Variants in SCN2A observed in about 807,000 individuals in gnomAD.
The protein encoded by SCN2A is sodium voltage-gated channel alpha subunit 2.
In SCN2A, 20 loss-of-function variants were observed where a neutral mutation model predicts 188.7. The ratio of observed to expected loss-of-function variants is 0.11; its 90% CI spans 0.07 to 0.15. SCN2A has a LOEUF of 0.15. Ranked by LOEUF, SCN2A falls within the 10% of genes least tolerant of loss-of-function variation. The pLI is 1.00. For missense variants in SCN2A, 1,278 were observed against 2,445.0 expected, an observed-to-expected ratio of 0.52 and a Z score of 10.07; for synonymous variants, 804 against 833.1, an observed-to-expected ratio of 0.97 and a Z score of 0.60.
chr2:165,329,133 G>A (rs1414771781), intron 13 of SCN2A, among the ~76,000 whole-genome samples: 1 of 151,594 alleles, frequency 6.6e-6, no homozygotes, highest in Non-Finnish European at 1.5e-5. Context: ...TTGTTGATCC[G>A]GTTGGCAATT....
At position 165,314,125 on chromosome 2, in the gene SCN2A, T is replaced by C. The variant is rs1226775368; in HGVS notation, c.1383+17T>C. On this transcript the variant is annotated intron_variant, in intron 10 of 26. Transcript: ENST00000375437. Reference sequence around the variant, plus strand: ...GAAGCTCAGGTATAGTGAACAAGCATACGGTCCTTTGTTTTTCTTTATCTA... The same window carrying C: ...GAAGCTCAGGTATAGTGAACAAGCACACGGTCCTTTGTTTTTCTTTATCTA... 1.2e-6 allele frequency: 2 copies of C among 1,609,390 alleles called. No individual in the cohort carries two copies. Among genetic ancestry groups the C allele is most frequent in the African/African-American group, 2.7e-5 (2 of 74,828 alleles).
chr2:165,316,044 T>G (rs1697729779), intron 11 of SCN2A, among the ~76,000 whole-genome samples: 1 of 152,178 alleles, frequency 6.6e-6, no homozygotes, highest in African/African-American at 2.4e-5. Context: ...TCAGGAATTA[T>G]CAGCAGATGG....
intron 24 of SCN2A, 134 bp from the exon 25 acceptor site, chr2:165,380,959 A>G: frequency 1.4e-6 from 1 of 706,286 alleles, no homozygotes. Flanking sequence ...ATATTGAATA[A>G]AGGCATCTCT....
intron 14 of SCN2A, among the ~76,000 whole-genome samples, chr2:165,335,970 A>G (rs937292374): frequency 2.0e-5 from 3 of 151,930 alleles, no homozygotes; most frequent in Non-Finnish European, 4.4e-5. Flanking sequence ...GAGTTAGACA[A>G]AAGGCCAATA....
chr2:165,376,605 C>G (rs963470156), intron 22 of SCN2A, among the ~76,000 whole-genome samples: 1 of 151,876 alleles, frequency 6.6e-6, no homozygotes, highest in Non-Finnish European at 1.5e-5. Flanking sequence ...ATAGCCAAGT[C>G]CTTTGTTACT....
chr2:165,351,349 ATATT>A (rs1699906380), intron 16 of SCN2A, among the ~76,000 whole-genome samples: 1 of 152,176 alleles, frequency 6.6e-6, no homozygotes, highest in Non-Finnish European at 1.5e-5. Flanking sequence ...TGTTCCAGGG[ATATT>A]TATTTATTTT....
intron 11 of SCN2A, among the ~76,000 whole-genome samples, chr2:165,318,674 TATGGCTC>T (rs748242603): frequency 1.4e-4 from 22 of 152,224 alleles, no homozygotes; most frequent in Non-Finnish European, 2.9e-4. Flanking sequence ...CCAACCCTTC[TATGGCTC>T]CAGCTGAATG....
At chr2:165,376,498 A>T (rs1196956185) in intron 22 of SCN2A, among the ~76,000 whole-genome samples, 1 of 152,004 alleles carries the variant, frequency 6.6e-6, no homozygotes, top group Admixed American at 6.6e-5. Context: ...ATCTGCCTAG[A>T]TTCCTCTTAC....
chr2:165,263,311 A>G (rs1694688393), intron 1 of SCN2A, among the ~76,000 whole-genome samples: 1 of 152,002 alleles, frequency 6.6e-6, no homozygotes, highest in Non-Finnish European at 1.5e-5. Flanking sequence ...TCTTTGCCCA[A>G]GCCAATGTCT....
In SCN2A at chr2:165,308,759, A is replaced by G. The variant is rs1205982751; in HGVS notation, c.570A>G (p.Pro190=). The stretch of plus-strand genomic sequence containing the variant: ...AAGATTTCACATTTTTACGGGATCC[A>G]TGGAATTGGTTGGATTTCACAGTCA... ...CLEDFTFLRD[P]WNWLDFTVIT... Residue 190 remains proline, a synonymous_variant, in exon 5 of 27, where the codon CCA becomes CCG. Transcript: ENST00000375437. 6.2e-7 allele frequency: 1 copy of G among 1,612,950 alleles called. No individual in the cohort carries two copies. The highest frequency in any genetic ancestry group is 8.5e-7 in the Non-Finnish European group (1 of 1,179,138).
chr2:165,283,814 G>A (rs1460635839), intron 1 of SCN2A, among the ~76,000 whole-genome samples: 1 of 152,138 alleles, frequency 6.6e-6, no homozygotes, highest in Non-Finnish European at 1.5e-5. Flanking sequence ...AGACACATGT[G>A]AATTTAAACT....
chr2:165,268,245 G>T (rs954889928), intron 1 of SCN2A: 6 of 151,902 alleles, frequency 3.9e-5, no homozygotes, highest in African/African-American at 1.4e-4. Flanking sequence ...AAAGAAAACT[G>T]CAGACTAATG....
chr2:165,348,393 C>T (rs976541124), intron 16 of SCN2A, among the ~76,000 whole-genome samples: 2 of 147,516 alleles, frequency 1.4e-5, no homozygotes, highest in African/African-American at 5.0e-5. Context: ...ACTCTTTAGA[C>T]ATGATTTCCT....
chr2:165,356,137 G>A (rs1051366270), intron 17 of SCN2A, among the ~76,000 whole-genome samples: 7 of 152,126 alleles, frequency 4.6e-5, no homozygotes, highest in Non-Finnish European at 7.4e-5. Context: ...GGTAGAAGTA[G>A]ATGTTTAATG....
intron 1 of SCN2A, among the ~76,000 whole-genome samples, chr2:165,254,544 A>G (rs1163297330): frequency 6.6e-6 from 1 of 151,704 alleles, no homozygotes; most frequent in Non-Finnish European, 1.5e-5. Context: ...TTTATTTGCT[A>G]GAAAATAAAA....
chr2:165,324,624 A>G (rs549745524), intron 12 of SCN2A, among the ~76,000 whole-genome samples: 7 of 152,242 alleles, frequency 4.6e-5, no homozygotes, highest in African/African-American at 1.2e-4. Flanking sequence ...GATCATAGAT[A>G]ACCATGTACC....
At chr2:165,347,233 A>T (rs182830366) in intron 16 of SCN2A, among the ~76,000 whole-genome samples, 13 of 152,358 alleles carry the variant, frequency 8.5e-5, no homozygotes, top group Non-Finnish European at 1.5e-5. Context: ...AAAATGTGGC[A>T]CATATACACC....
chr2:165,323,360 A>G lies in SCN2A; in HGVS notation c.1876A>G (p.Ser626Gly). The G allele has an allele frequency of 6.2e-7, 1 of 1,614,144 alleles. No individual in the cohort carries two copies. Among genetic ancestry groups the G allele is most frequent in the Non-Finnish European group, 8.5e-7 (1 of 1,180,020 alleles). The change falls in exon 12 of 27, where the codon AGC (serine) becomes GGC (glycine). Residue 626 changes from serine to glycine, a missense_variant. Ser to Gly is a moderately conservative substitution (Grantham distance 56). Coordinates refer to ENST00000375437, the MANE Select transcript of SCN2A (RefSeq NM_001040142.2). Reference protein sequence around the residue: ...RHGERRHSNVSQASRASRVLP... With the variant: ...RHGERRHSNVGQASRASRVLP... ...TGGAGAACGGCGCCACAGCAATGTCAGCCAGGCCAGCCGTGCCTCCAGGGT... is the reference window on the plus strand; with the variant it reads ...TGGAGAACGGCGCCACAGCAATGTCGGCCAGGCCAGCCGTGCCTCCAGGGT...
chr2:165,349,707 A>T (rs1002122478), intron 16 of SCN2A, among the ~76,000 whole-genome samples: 4 of 152,162 alleles, frequency 2.6e-5, no homozygotes, highest in Admixed American at 6.6e-5. Flanking sequence ...CTTTTTGACT[A>T]TCAGTTAAAA....
Sources: gnomAD v4.1 joint callset for allele counts (sites outside exome capture counted in the v4.1 genomes callset) on GRCh38, gnomAD v4.1.1 for gene constraint, MANE v1.5 for transcripts, NCBI Gene and HGNC (gene_info 2026-07-23, HGNC 2026-07-21) for gene names.